Variants in ZMYM2 observed in about 807,000 individuals in gnomAD.
ZMYM2 encodes zinc finger MYM-type protein 2.
In ZMYM2, 56 loss-of-function variants were observed where a neutral mutation model predicts 162.8. The observed-to-expected ratio is 0.34, with a 90% CI of 0.28 to 0.43. ZMYM2 has a LOEUF of 0.43. ZMYM2 is among the 20% of genes least tolerant of loss of function. The probability of loss-of-function intolerance (pLI) is 1.00; values close to 1 mark genes in which losing one functional copy is unlikely to be tolerated. For synonymous variants in ZMYM2, 510 were observed against 541.6 expected (o/e 0.94, Z 0.81); for missense variants, 1,275 against 1,621.8 (o/e 0.79, Z 3.67).
At chr13:19,885,073 T>A in the ZMYM2 span, among the ~76,000 whole-genome samples, 1 of 152,178 alleles carries the variant, frequency 6.6e-6, no homozygotes, top group East Asian at 1.9e-4. Flanking sequence ...TATACAATCC[T>A]CTAGCTAGAC....
At chr13:19,924,124 A>G in the ZMYM2 span, among the ~76,000 whole-genome samples, 1 of 152,184 alleles carries the variant, frequency 6.6e-6, no homozygotes, top group African/African-American at 2.4e-5. Flanking sequence ...AGATCTTTAG[A>G]ACTTTTTAAT....
chr13:20,000,927 G>T (rs540021443), intron 3 of ZMYM2, among the ~76,000 whole-genome samples: 3 of 152,336 alleles, frequency 2.0e-5, no homozygotes, highest in Non-Finnish European at 2.9e-5. Context: ...CATTCTCAGT[G>T]CCCTTATGAA....
Position 19,993,297 on chromosome 13 carries a change from G to A in ZMYM2, c.225G>A (p.Val75=). 1.2e-6 allele frequency: 2 copies of A among 1,613,890 alleles called. No homozygotes were observed. The highest frequency in any genetic ancestry group is 1.7e-6 in the Non-Finnish European group (2 of 1,179,860). Residue 75 remains valine, a synonymous_variant, in exon 3 of 25, where the codon GTG becomes GTA. Transcript: ENST00000610343. The part of the protein sequence containing the change: ...PVQPPPPSVP[V]VADQRTITFT... ...AACCTCCCCCACCTTCTGTACCAGTGGTAGCTGATCAAAGAACCATAACAT... is the reference window on the plus strand; with the variant it reads ...AACCTCCCCCACCTTCTGTACCAGTAGTAGCTGATCAAAGAACCATAACAT...
intron 2 of ZMYM2, among the ~76,000 whole-genome samples, chr13:19,963,110 A>G (rs1445018504): frequency 6.6e-6 from 1 of 152,202 alleles, no homozygotes; most frequent in African/African-American, 2.4e-5. Context: ...GAGTGCTGAG[A>G]TTACAGGCGT....
At chr13:20,027,931 A>G (rs1304566727) in intron 9 of ZMYM2, 3 of 172,850 alleles carry the variant, frequency 1.7e-5, no homozygotes, top group East Asian at 1.0e-4. Flanking sequence ...GAGGGAATTC[A>G]AGCATTAGTT....
intron 2 of ZMYM2, among the ~76,000 whole-genome samples, chr13:19,985,449 T>C (rs1311953115): frequency 1.3e-5 from 2 of 152,180 alleles, no homozygotes; most frequent in African/African-American, 4.8e-5. Context: ...TAAATCCCAT[T>C]GTAGGTTGGT....
At chr13:19,884,614 C>A in the ZMYM2 span, among the ~76,000 whole-genome samples, 1 of 152,038 alleles carries the variant, frequency 6.6e-6, no homozygotes, top group African/African-American at 2.4e-5. Flanking sequence ...GTGAGTATTA[C>A]AGCTGTTAAA....
At chr13:20,079,662 T>C (rs927876396) in intron 21 of ZMYM2, among the ~76,000 whole-genome samples, 7 of 149,880 alleles carry the variant, frequency 4.7e-5, no homozygotes, top group African/African-American at 1.7e-4. Flanking sequence ...AAACATTTTG[T>C]AATTCATTCT....
the ZMYM2 span, among the ~76,000 whole-genome samples, chr13:19,918,825 T>C: frequency 7.2e-5 from 11 of 152,142 alleles, no homozygotes; most frequent in Non-Finnish European, 1.5e-4. Context: ...CAAATAGTCA[T>C]AGAACTAAAG....
the ZMYM2 span, among the ~76,000 whole-genome samples, chr13:19,878,579 T>C: frequency 7.0e-6 from 1 of 142,816 alleles, no homozygotes. Context: ...TGGAGTACAG[T>C]GGCACCATCT....
chr13:19,993,986 T>C (rs1949825588), intron 3 of ZMYM2, 67 bp downstream of exon 3: 1 of 1,514,812 alleles, frequency 6.6e-7, no homozygotes, highest in East Asian at 2.2e-5. Context: ...CTTTTTTCAT[T>C]GTAGTAACTG....
the ZMYM2 span, among the ~76,000 whole-genome samples, chr13:19,883,849 C>T: frequency 2.0e-5 from 3 of 152,196 alleles, no homozygotes; most frequent in Non-Finnish European, 4.4e-5. Flanking sequence ...CCCCACCTCC[C>T]AAGTTTGAGT....
At chr13:19,983,261 C>T (rs1957510884) in intron 2 of ZMYM2, among the ~76,000 whole-genome samples, 1 of 151,964 alleles carries the variant, frequency 6.6e-6, no homozygotes, top group South Asian at 2.1e-4. Flanking sequence ...TCTCCTGCCT[C>T]AGCCTCCGGA....
intron 2 of ZMYM2, among the ~76,000 whole-genome samples, chr13:19,984,184 G>A (rs1038220625): frequency 1.3e-5 from 2 of 152,088 alleles, no homozygotes; most frequent in Non-Finnish European, 2.9e-5. Flanking sequence ...TTTTCAGCAA[G>A]CACTAATATT....
intron 21 of ZMYM2, 49 bp downstream of exon 21, chr13:20,067,439 TGTG>T (rs1205867232): frequency 2.0e-6 from 3 of 1,504,584 alleles, no homozygotes; most frequent in Non-Finnish European, 2.7e-6. Context: ...TAAGAAAAGT[TGTG>T]GTAGTTCTTG....
rs764050646 is a variant in ZMYM2, at chr13:19,960,636, C to T, written c.-11+610C>T. ...TACTGATCTAGTTAATTTCTTCGTT[C>T]CCCATCTTCCATGTTGATCATCTTT... On this transcript the variant is annotated intron_variant, in intron 2 of 24. Transcript: ENST00000610343. Among the ~76,000 whole-genome samples the T allele has an allele frequency of 1.8e-4, 28 of 152,234 alleles. No individual in the cohort carries two copies. The South Asian group carries it at 5.2e-3, about 28-fold the overall frequency.
intron 14 of ZMYM2, among the ~76,000 whole-genome samples, chr13:20,053,388 C>T (rs1045894953): frequency 6.6e-6 from 1 of 152,196 alleles, no homozygotes; most frequent in Admixed American, 6.5e-5. Flanking sequence ...TGGCTGGGCA[C>T]GATGGCTCAC....
At chr13:19,910,226 TA>T in the ZMYM2 span, among the ~76,000 whole-genome samples, 121 of 145,442 alleles carry the variant, frequency 8.3e-4, no homozygotes, top group East Asian at 1.6e-3. Flanking sequence ...AACTCTGTCT[TA>T]AAAAAAAAAA....
At chr13:19,998,909 A>T (rs1950200662) in intron 3 of ZMYM2, among the ~76,000 whole-genome samples, 1 of 152,164 alleles carries the variant, frequency 6.6e-6, no homozygotes, top group South Asian at 2.1e-4. Flanking sequence ...AAATACGGAG[A>T]AACTAGAAAG....
Sources: gnomAD v4.1 joint callset for allele counts (sites outside exome capture counted in the v4.1 genomes callset) on GRCh38, gnomAD v4.1.1 for gene constraint, MANE v1.5 for transcripts, NCBI Gene and HGNC (gene_info 2026-07-23, HGNC 2026-07-21) for gene names.